The following BMP7 variants were observed in gnomAD, a reference collection of about 807,000 sequenced individuals.
The protein encoded by BMP7 is bone morphogenetic protein 7, also known as osteogenic protein 1.
BMP7 carries 12 observed loss-of-function variants against 41.2 expected under a neutral mutation model. The observed-to-expected ratio is 0.29, with a 90% confidence interval of 0.19 to 0.47. The LOEUF (loss-of-function observed/expected upper bound fraction) is 0.47, where lower values mean the gene tolerates loss of function less well. Ranked by LOEUF, BMP7 falls within the 20% of genes least tolerant of loss-of-function variation. The pLI is 0.99. For synonymous variants in BMP7, 248 were observed against 250.0 expected (o/e 0.99, Z 0.07); for missense variants, 467 against 606.0 (o/e 0.77, Z 2.41).
chr20:57,225,771 A>G (rs2066003497), intron 2 of BMP7: 1 of 382,140 alleles, frequency 2.6e-6, no homozygotes, highest in Non-Finnish European at 5.7e-6. Flanking sequence ...GCACAGGAAG[A>G]ACATGTAGAA....
chr20:57,243,367 T>C (rs548913170), intron 1 of BMP7, among the ~76,000 whole-genome samples: 1 of 152,052 alleles, frequency 6.6e-6, no homozygotes, highest in East Asian at 1.9e-4. Context: ...TTCTCCCAGC[T>C]ACTCAGGAGG....
Position 57,228,435 on chromosome 20 carries a change from A to G in BMP7, c.419-14T>C. The G allele has an allele frequency of 1.2e-6, 2 of 1,613,542 alleles. No individual in the cohort carries two copies. Among genetic ancestry groups the G allele is most frequent in the Non-Finnish European group, 1.7e-6 (2 of 1,179,462 alleles). Reference sequence around the variant, plus strand: ...TGTCATGTTCCACTGGAAGAGGAAGAGAACACACACCAACACCGACAGCTC... The same window carrying G: ...TGTCATGTTCCACTGGAAGAGGAAGGGAACACACACCAACACCGACAGCTC... On this transcript the variant is annotated splice_polypyrimidine_tract_variant and intron_variant, in intron 1 of 6. Coordinates refer to ENST00000395863, the MANE Select transcript of BMP7 (RefSeq NM_001719.3). This position sits in a 1 kb window ranked among gnomAD's most constrained non-coding sequence, Gnocchi z 4.5.
intron 3 of BMP7, among the ~76,000 whole-genome samples, chr20:57,194,709 C>T (rs1037197965): frequency 2.0e-5 from 3 of 152,220 alleles, no homozygotes; most frequent in Non-Finnish European, 4.4e-5. Flanking sequence ...TTCCATGCAT[C>T]GCTCCTCGCT....
chr20:57,211,521 C>T (rs867457301), intron 2 of BMP7, among the ~76,000 whole-genome samples: 2 of 152,216 alleles, frequency 1.3e-5, no homozygotes, highest in African/African-American at 4.8e-5. Flanking sequence ...GGGTATGCCA[C>T]CTCCCAGGCC....
chr20:57,214,085 C>A lies in BMP7; in HGVS notation c.612-11462G>T, dbSNP rs967082618. 2.0e-5 allele frequency among the ~76,000 whole-genome samples: 3 copies of A among 152,158 alleles called. No individual in the cohort carries two copies. The highest frequency in any genetic ancestry group is 6.5e-5 in the Admixed American group (1 of 15,274). ...AACCATCTTAGAACAAGGTGCGGAG[C>A]GAGCCCTCTGAACCGTATGGTACCT... On this transcript the variant is annotated intron_variant, in intron 2 of 6. Coordinates refer to ENST00000395863, the MANE Select transcript of BMP7 (RefSeq NM_001719.3). This position sits in a 1 kb window ranked among gnomAD's most constrained non-coding sequence, Gnocchi z 4.0.
At position 57,190,515 on chromosome 20, in the gene BMP7, G is replaced by A. The variant is rs986443644; in HGVS notation, c.761-6596C>T. Among the ~76,000 whole-genome samples, 8 of 151,824 alleles carry A rather than the reference G, an allele frequency of 5.3e-5. No individual in the cohort carries two copies. In the South Asian group the frequency reaches 6.3e-4, roughly 12 times the overall value. On this transcript the variant is annotated intron_variant, in intron 3 of 6. Coordinates refer to ENST00000395863, the MANE Select transcript of BMP7 (RefSeq NM_001719.3). ...GTGAGGAGCCCAAGGGGGTGAAGCCGAGGTGGGTATGGGGCTGGGTCACCT... is the reference window on the plus strand; with the variant it reads ...GTGAGGAGCCCAAGGGGGTGAAGCCAAGGTGGGTATGGGGCTGGGTCACCT...
rs199551942 is a variant in BMP7, at chr20:57,228,260, C to T, written c.580G>A (p.Val194Ile). 2.0e-4 allele frequency: 320 copies of T among 1,613,950 alleles called. No homozygotes were observed. The highest frequency in any genetic ancestry group is 5.5e-4 in the South Asian group (50 of 91,056). Residue 194 changes from valine to isoleucine, a missense_variant, in exon 2 of 7, where the codon GTT (valine) becomes ATT (isoleucine). By Grantham distance (29) the Val-to-Ile change is conservative. This residue lies in a region of BMP7 where 407 missense variants were observed against 485.9 expected (regional missense o/e 0.84). Coordinates refer to ENST00000395863, the MANE Select transcript of BMP7 (RefSeq NM_001719.3). This position sits in a 1 kb window ranked among gnomAD's most constrained non-coding sequence, Gnocchi z 4.5. ...AAGTGCTCCTGGAGCACCTGATAAA[C>T]GCTGATCCGGAACGTCTCATTGTCG... ...RFDNETFRISVYQVLQEHLGR... is the reference protein window; with the variant it reads ...RFDNETFRISIYQVLQEHLGR...
Position 57,265,993 on chromosome 20 carries a change from G to C in BMP7, c.130C>G (p.Arg44Gly). The C allele has an allele frequency of 6.5e-7, 1 of 1,550,346 alleles. No individual in the cohort carries two copies. The highest frequency in any genetic ancestry group is 8.7e-7 in the Non-Finnish European group (1 of 1,147,112). Residue 44 changes from arginine to glycine, a missense_variant, in exon 1 of 7, where the codon CGG becomes GGG. Coordinates refer to ENST00000395863, the MANE Select transcript of BMP7 (RefSeq NM_001719.3). ...CGCCGCTCCTGGCTGCGGAGGCGCC[G>C]GTGGATGAAGCTCGAGTGCACCTCG... ...DNEVHSSFIHRRLRSQERREM... is the reference protein window; with the variant it reads ...DNEVHSSFIHGRLRSQERREM...
Position 57,187,554 on chromosome 20 carries a change from C to CCTCTCTCTCT in BMP7, c.761-3645_761-3636dup, listed in dbSNP as rs140073062. 5.5e-3 allele frequency among the ~76,000 whole-genome samples: 789 copies of CCTCTCTCTCT among 144,082 alleles called. 6 individuals are homozygous for CCTCTCTCTCT. The highest frequency in any genetic ancestry group is 0.018 in the Middle Eastern group (5 of 284). The allele number at this position is 144,082 out of a possible 152,430, so 94.5% of individuals were successfully genotyped here. Reference sequence around the variant, plus strand: ...CTCTAGTGTCCAGAAGGAAGCCTGCCCTCTCTCTCTCTCTCTCTCTCTCTC... The same window carrying CCTCTCTCTCT: ...CTCTAGTGTCCAGAAGGAAGCCTGCCCTCTCTCTCTCTCTCTCTCTCTCTCTCTCTCTCTC... On this transcript the variant is annotated intron_variant, in intron 3 of 6. Transcript: ENST00000395863.
chr20:57,185,816 T>C (rs112103809), intron 3 of BMP7, among the ~76,000 whole-genome samples: 2 of 150,362 alleles, frequency 1.3e-5, no homozygotes, highest in African/African-American at 4.9e-5. Flanking sequence ...GAGCTTTGCA[T>C]ACCCTAAGTA....
At chr20:57,209,998 C>T (rs1205538880) in intron 2 of BMP7, among the ~76,000 whole-genome samples, 2 of 152,182 alleles carry the variant, frequency 1.3e-5, no homozygotes, top group Non-Finnish European at 2.9e-5. Flanking sequence ...CTCCTCTAAT[C>T]TCAGAGAAAG....
At chr20:57,194,011 C>A (rs551081370) in intron 3 of BMP7, among the ~76,000 whole-genome samples, 2 of 152,192 alleles carry the variant, frequency 1.3e-5, no homozygotes, top group Non-Finnish European at 2.9e-5. Flanking sequence ...GACCTTCCTC[C>A]GTCCATGAAC....
chr20:57,230,355 C>A (rs995408146), intron 1 of BMP7, among the ~76,000 whole-genome samples: 1 of 152,216 alleles, frequency 6.6e-6, no homozygotes, highest in East Asian at 1.9e-4. Flanking sequence ...CGGGAGGTGA[C>A]CCCAGGTGGG....
chr20:57,179,520 T>A (rs1470033937), intron 4 of BMP7, among the ~76,000 whole-genome samples: 1 of 152,200 alleles, frequency 6.6e-6, no homozygotes, highest in East Asian at 1.9e-4. Context: ...GAAGAGCACG[T>A]GAAGCCCCGG....
At chr20:57,260,386 G>A (rs961334202) in intron 1 of BMP7, among the ~76,000 whole-genome samples, 13 of 152,086 alleles carry the variant, frequency 8.5e-5, no homozygotes, top group Non-Finnish European at 7.4e-5. Flanking sequence ...GACATCACGG[G>A]TGTCTCCTCC....
intron 3 of BMP7, among the ~76,000 whole-genome samples, chr20:57,195,986 C>T (rs569382296): frequency 2.0e-5 from 3 of 152,216 alleles, no homozygotes; most frequent in East Asian, 3.9e-4. Context: ...AAAAGGGTCC[C>T]CAACGAGGGA....
At chr20:57,196,929 T>G (rs1390256397) in intron 3 of BMP7, among the ~76,000 whole-genome samples, 2 of 151,786 alleles carry the variant, frequency 1.3e-5, no homozygotes, top group African/African-American at 4.8e-5. Flanking sequence ...TGAGACAGAG[T>G]CCCACTCTGT....
At chr20:57,180,657 G>A (rs1185029517) in intron 4 of BMP7, among the ~76,000 whole-genome samples, 1 of 152,128 alleles carries the variant, frequency 6.6e-6, no homozygotes, top group Non-Finnish European at 1.5e-5. Context: ...AAGAGGCTTC[G>A]AATACAAATG....
chr20:57,201,876 G>C (rs1430886076), intron 3 of BMP7, among the ~76,000 whole-genome samples: 1 of 152,162 alleles, frequency 6.6e-6, no homozygotes, highest in Non-Finnish European at 1.5e-5. Context: ...GAGAAGTGTT[G>C]GGGAGGGCAG....
Sources: allele counts gnomAD v4.1 joint callset (sites outside exome capture counted in the v4.1 genomes callset), GRCh38; gene constraint gnomAD v4.1.1; regional missense constraint gnomAD v4.1.1; non-coding constraint Gnocchi (gnomAD v3.1); transcripts MANE v1.5; gene names NCBI Gene and HGNC (gene_info 2026-07-23, HGNC 2026-07-21).